Variants in SPAG16 observed in about 807,000 individuals in gnomAD.
SPAG16 encodes the protein sperm associated antigen 16.
SPAG16 carries 86 observed loss-of-function variants against 80.4 expected under a neutral mutation model. The observed-to-expected ratio is 1.07, with a 90% CI of 0.90 to 1.28. The LOEUF (loss-of-function observed/expected upper bound fraction) is 1.28. Ranked by LOEUF, SPAG16 falls within the 50% of genes most tolerant of loss-of-function variation. The probability of loss-of-function intolerance (pLI) is 0.00; values close to 1 mark genes in which losing one functional copy is unlikely to be tolerated. For missense variants in SPAG16, 870 were observed against 765.3 expected, an observed-to-expected ratio of 1.14 and a Z score of -1.61; for synonymous variants, 294 against 265.9, an observed-to-expected ratio of 1.11 and a Z score of -1.03.
intron 7 of SPAG16, among the ~76,000 whole-genome samples, chr2:213,355,977 G>C (rs571005539): frequency 6.6e-6 from 1 of 152,152 alleles, no homozygotes; most frequent in South Asian, 2.1e-4. Context: ...TCCAGTTTTT[G>C]CCCATTCAGT....
chr2:213,656,337 A>AT (rs1404281786), intron 10 of SPAG16, among the ~76,000 whole-genome samples: 2 of 152,014 alleles, frequency 1.3e-5, no homozygotes, highest in Non-Finnish European at 1.5e-5. Flanking sequence ...CGCCCAGCTA[A>AT]TTTTTTGTAT....
At chr2:214,250,092 C>A (rs1296840591) in intron 15 of SPAG16, 1 of 152,092 alleles carries the variant, frequency 6.6e-6, no homozygotes, top group Non-Finnish European at 1.5e-5. Context: ...TTCTTAAGTG[C>A]CTCAGACCAG....
At chr2:213,848,855 T>C (rs1037119109) in intron 10 of SPAG16, among the ~76,000 whole-genome samples, 2 of 152,258 alleles carry the variant, frequency 1.3e-5, no homozygotes, top group Non-Finnish European at 2.9e-5. Flanking sequence ...CAGTTTCTGC[T>C]TGTGGCCTAT....
In SPAG16 at chr2:213,929,983, G is replaced by A. The variant is rs768301176; in HGVS notation, c.1238G>A (p.Ser413Asn). 1.9e-6 allele frequency: 3 copies of A among 1,610,150 alleles called. No individual in the cohort carries two copies. The highest frequency in any genetic ancestry group is 2.2e-5 in the East Asian group (1 of 44,866). ...HPSGDKLATSSGDTTVKLWDL... is the reference protein window; with the variant it reads ...HPSGDKLATSNGDTTVKLWDL... ...AGTGGCGACAAATTGGCTACTTCAA[G>A]TGGTGACACTACAGTTAAATTATGG... Residue 413 changes from serine to asparagine, a missense_variant, in exon 12 of 16, where the codon AGT becomes AAT. By Grantham distance (46) the Ser-to-Asn change is conservative. Coordinates refer to ENST00000331683, the MANE Select transcript of SPAG16 (RefSeq NM_024532.5).
Position 214,252,330 on chromosome 2 carries a change from T to A in SPAG16, c.1720+103064T>A, listed in dbSNP as rs886303287. 4.6e-5 allele frequency among the ~76,000 whole-genome samples: 7 copies of A among 152,198 alleles called. No homozygotes were observed. The East Asian group carries it at 1.2e-3, about 25-fold the overall frequency. On this transcript the variant is annotated intron_variant, in intron 15 of 15. Transcript: ENST00000331683. ...TATTATTATACTTTAAGTTCTGGGG[T>A]ACATGTGCAGAACGTTCAGGTTTGT...
At chr2:213,991,887 A>ATTTT (rs1237989232) in intron 12 of SPAG16, among the ~76,000 whole-genome samples, 4 of 144,400 alleles carry the variant, frequency 2.8e-5, no homozygotes, top group Middle Eastern at 3.4e-3. Context: ...TTATTTATTT[A>ATTTT]TTTATTCTTG....
chr2:213,788,860 C>T (rs946550766), intron 10 of SPAG16, among the ~76,000 whole-genome samples: 31 of 44,868 alleles, frequency 6.9e-4, no homozygotes, highest in East Asian at 1.0e-3. Flanking sequence ...ACTTGTGTGA[C>T]GTCTTTATGA....
intron 10 of SPAG16, among the ~76,000 whole-genome samples, chr2:213,710,555 G>A (rs1157197262): frequency 2.0e-5 from 3 of 152,152 alleles, no homozygotes; most frequent in African/African-American, 7.2e-5. Flanking sequence ...TTGTAGTGGT[G>A]TGTTAGTGTG....
intron 15 of SPAG16, among the ~76,000 whole-genome samples, chr2:214,324,280 C>T (rs1426769264): frequency 2.6e-5 from 4 of 152,078 alleles, no homozygotes; most frequent in South Asian, 2.1e-4. Flanking sequence ...TTCAAGTATA[C>T]TTTGGAAGAA....
At chr2:214,379,862 A>G (rs1480504824) in intron 15 of SPAG16, among the ~76,000 whole-genome samples, 2 of 152,206 alleles carry the variant, frequency 1.3e-5, no homozygotes, top group Non-Finnish European at 2.9e-5. Flanking sequence ...CCTCTTCATT[A>G]TCTTTCTGTT....
At chr2:214,367,609 A>G (rs1452130586) in intron 15 of SPAG16, among the ~76,000 whole-genome samples, 1 of 152,182 alleles carries the variant, frequency 6.6e-6, no homozygotes, top group South Asian at 2.1e-4. Flanking sequence ...CTCAAAGAAG[A>G]TTCTTCAGGA....
intron 10 of SPAG16, among the ~76,000 whole-genome samples, chr2:213,808,408 A>G (rs2125659515): frequency 6.6e-6 from 1 of 152,130 alleles, no homozygotes; most frequent in Non-Finnish European, 1.5e-5. Context: ...AAAGAATGGT[A>G]TAGCTATAGT....
At chr2:213,684,111 G>A (rs1158085826) in intron 10 of SPAG16, among the ~76,000 whole-genome samples, 5 of 152,176 alleles carry the variant, frequency 3.3e-5, no homozygotes, top group Non-Finnish European at 7.3e-5. Flanking sequence ...AAACTTAGCA[G>A]TGTACAAGGT....
At chr2:213,585,742 G>A (rs956750855) in intron 10 of SPAG16, among the ~76,000 whole-genome samples, 2 of 152,156 alleles carry the variant, frequency 1.3e-5, no homozygotes, top group Admixed American at 6.5e-5. Flanking sequence ...TTGGAGAGGT[G>A]AAATATAAGC....
At chr2:213,558,998 A>G (rs2059518491) in intron 10 of SPAG16, among the ~76,000 whole-genome samples, 2 of 152,142 alleles carry the variant, frequency 1.3e-5, no homozygotes, top group African/African-American at 4.8e-5. Flanking sequence ...GCATAATTAC[A>G]TGAAAAAATA....
intron 9 of SPAG16, among the ~76,000 whole-genome samples, chr2:213,392,445 A>G (rs2067803084): frequency 6.6e-6 from 1 of 152,216 alleles, no homozygotes; most frequent in Non-Finnish European, 1.5e-5. Context: ...TCACACATGG[A>G]GTTTCTAAAA....
intron 15 of SPAG16, among the ~76,000 whole-genome samples, chr2:214,362,828 G>A (rs1576887589): frequency 6.6e-6 from 1 of 151,770 alleles, no homozygotes; most frequent in African/African-American, 2.4e-5. Flanking sequence ...AATTCAGGGT[G>A]GAATGTGATG....
intron 15 of SPAG16, among the ~76,000 whole-genome samples, chr2:214,227,654 T>C (rs1438874079): frequency 6.6e-6 from 1 of 151,462 alleles, no homozygotes; most frequent in Non-Finnish European, 1.5e-5. Flanking sequence ...TCCAGTTGAG[T>C]AGCCAGGAAT....
intron 4 of SPAG16, among the ~76,000 whole-genome samples, chr2:213,315,228 A>G (rs958304909): frequency 3.9e-5 from 6 of 151,924 alleles, no homozygotes; most frequent in Non-Finnish European, 7.4e-5. Context: ...TACAATCTGC[A>G]ATTGATTCTC....
Sources: gnomAD v4.1 joint callset for allele counts (sites outside exome capture counted in the v4.1 genomes callset) on GRCh38, gnomAD v4.1.1 for gene constraint, MANE v1.5 for transcripts, NCBI Gene and HGNC (gene_info 2026-07-23, HGNC 2026-07-21) for gene names.